NLRC5: variants seen among roughly 807,000 people sequenced by gnomAD.
The protein encoded by NLRC5 is protein NLRC5.
NLRC5 carries 114 observed loss-of-function variants against 206.9 expected under a neutral mutation model. The observed-to-expected ratio is 0.55, with a 90% CI of 0.47 to 0.64. The LOEUF (loss-of-function observed/expected upper bound fraction) is 0.64, where lower values mean the gene tolerates loss of function less well. Among genes scored for constraint, NLRC5 ranks in the 30% least tolerant of loss-of-function variants. The pLI, the probability that NLRC5 is intolerant of heterozygous loss-of-function variation, is 0.00. For missense variants in NLRC5, 2,008 were observed against 2,305.5 expected, an observed-to-expected ratio of 0.87 and a Z score of 2.64; for synonymous variants, 952 against 962.8, an observed-to-expected ratio of 0.99 and a Z score of 0.21.
At chr16:57,073,012 T>C (rs568197064) in intron 38 of NLRC5, among the ~76,000 whole-genome samples, 1 of 152,338 alleles carries the variant, frequency 6.6e-6, no homozygotes, top group Non-Finnish European at 1.5e-5. Flanking sequence ...CTTTGCCCAC[T>C]GTCCATGTAC....
chr16:57,079,270 C>G lies in NLRC5; in HGVS notation c.5215C>G (p.Leu1739Val). ...AGGVLRFCME[L>V]PLLRQIDLVS... Reference sequence around the variant, plus strand: ...AGGGGTCCTGCGTTTCTGTATGGAGCTCCCGCTGCTCAGACAGATAGAGTA... The same window carrying G: ...AGGGGTCCTGCGTTTCTGTATGGAGGTCCCGCTGCTCAGACAGATAGAGTA... The change falls in exon 45 of 49, where the codon CTC (leucine) becomes GTC (valine). Residue 1739 changes from leucine to valine, a missense_variant. Leu to Val is a conservative substitution (Grantham distance 32, BLOSUM62 1). Transcript: ENST00000688547. The G allele has an allele frequency of 6.2e-7, 1 of 1,613,506 alleles. No individual in the cohort carries two copies. Among genetic ancestry groups the G allele is most frequent in the Non-Finnish European group, 8.5e-7 (1 of 1,180,010 alleles).
At chr16:57,008,330 ATG>A (rs1467544394) in intron 1 of NLRC5, among the ~76,000 whole-genome samples, 11 of 152,262 alleles carry the variant, frequency 7.2e-5, no homozygotes, top group Non-Finnish European at 8.8e-5. Context: ...GAAAAATGTA[ATG>A]TAAGTGTACA....
At chr16:57,027,675 T>C (rs1029191621) in intron 6 of NLRC5, among the ~76,000 whole-genome samples, 5 of 152,226 alleles carry the variant, frequency 3.3e-5, no homozygotes, top group Admixed American at 3.3e-4. Context: ...GAATCCTATC[T>C]GCACAGTCAA....
Position 57,020,759 on chromosome 16 carries a change from G to A in NLRC5, c.47G>A (p.Cys16Tyr). 1 of 1,612,524 alleles carries A rather than the reference G, an allele frequency of 6.2e-7. No homozygotes were observed. The highest frequency in any genetic ancestry group is 8.5e-7 in the Non-Finnish European group (1 of 1,179,738). Residue 16 changes from cysteine to tyrosine, a missense_variant, in exon 3 of 49, where the codon TGT (cysteine) becomes TAT (tyrosine). Physicochemically the swap from Cys to Tyr is radical, Grantham distance 194. Transcript: ENST00000688547. ...LQLGNKNLWS[C>Y]LVRLLTKDPE... Reference sequence around the variant, plus strand: ...CTCGGCAACAAGAACCTGTGGAGCTGTCTTGTGAGGCTGCTCACCAAAGAC... The same window carrying A: ...CTCGGCAACAAGAACCTGTGGAGCTATCTTGTGAGGCTGCTCACCAAAGAC...
At chr16:56,989,953 A>G (rs1383029993) in intron 1 of NLRC5, among the ~76,000 whole-genome samples, 1 of 151,932 alleles carries the variant, frequency 6.6e-6, no homozygotes, top group Non-Finnish European at 1.5e-5. Flanking sequence ...GGATCCACCC[A>G]CTCTCTCTGT....
At chr16:57,018,040 A>AGG (rs1468901435) in intron 2 of NLRC5, among the ~76,000 whole-genome samples, 45 of 152,360 alleles carry the variant, frequency 3.0e-4, no homozygotes, top group Admixed American at 9.8e-4. Flanking sequence ...TAGAACACTA[A>AGG]TGATGGAAAC....
At chr16:56,998,046 C>T (rs2057827660) in intron 1 of NLRC5, among the ~76,000 whole-genome samples, 2 of 152,140 alleles carry the variant, frequency 1.3e-5, no homozygotes, top group African/African-American at 4.8e-5. Flanking sequence ...AACCAAGGCT[C>T]TAGCCGTCTA....
rs1417772720 is a variant in NLRC5 at position 57,017,125 on chromosome 16, C to T, written c.-76C>T. The T allele has an allele frequency of 6.5e-6, 1 of 152,762 alleles. No individual in the cohort carries two copies. Among genetic ancestry groups the T allele is most frequent in the Non-Finnish European group, 1.5e-5 (1 of 68,096 alleles). 9.5% of individuals were successfully genotyped at this position (152,762 alleles called of 1,614,324 possible). On this transcript the variant is annotated 5_prime_UTR_variant, in exon 2 of 49. Coordinates refer to ENST00000688547, the MANE Select transcript of NLRC5 (RefSeq NM_001384950.1). ...CAATCCAGCTCAAGGCACACATAGC[C>T]CAGACACCCATGAGACCCTCTCCGT...
intron 33 of NLRC5, among the ~76,000 whole-genome samples, chr16:57,065,938 C>T (rs1257097346): frequency 6.6e-6 from 1 of 152,142 alleles, no homozygotes. Context: ...AGCCCTCTCC[C>T]CATAAGCACC....
At chr16:57,046,409 C>A (rs2063980308) in intron 21 of NLRC5, 143 bp from the exon 22 acceptor site, 1 of 637,986 alleles carries the variant, frequency 1.6e-6, no homozygotes, top group Admixed American at 2.8e-5. Context: ...TGCCTTCCAG[C>A]CCTGACTTTC....
At chr16:57,005,102 A>T (rs1238171536) in intron 1 of NLRC5, among the ~76,000 whole-genome samples, 5 of 152,300 alleles carry the variant, frequency 3.3e-5, no homozygotes, top group Admixed American at 3.3e-4. Flanking sequence ...TAACACTTCG[A>T]ACGGAAAGCC....
intron 13 of NLRC5, among the ~76,000 whole-genome samples, 175 bp from the exon 14 acceptor site, chr16:57,035,925 A>C (rs1331629010): frequency 6.6e-6 from 1 of 152,212 alleles, no homozygotes; most frequent in Non-Finnish European, 1.5e-5. Context: ...CAATAGTCAT[A>C]GAAGAACCTA....
chr16:57,058,247 C>T, intron 28 of NLRC5, 99 bp downstream of exon 28: 1 of 1,004,474 alleles, frequency 1.0e-6, no homozygotes, highest in Non-Finnish European at 1.5e-6. Context: ...CCCCAGAGCA[C>T]CAGAGGACAA....
At chr16:57,077,885 G>C in intron 42 of NLRC5, 58 bp from the exon 43 acceptor site, 1 of 1,606,752 alleles carries the variant, frequency 6.2e-7, no homozygotes, top group Non-Finnish European at 8.5e-7. Flanking sequence ...CACAGGGCAG[G>C]GCGGGGGTCC....
chr16:57,054,470 C>A (rs1379330163), intron 24 of NLRC5, among the ~76,000 whole-genome samples: 1 of 152,174 alleles, frequency 6.6e-6, no homozygotes, highest in Non-Finnish European at 1.5e-5. Context: ...TCCTCATATA[C>A]CTCGAGAGTC....
At chr16:56,995,110 G>T (rs1375667307) in intron 1 of NLRC5, among the ~76,000 whole-genome samples, 2 of 152,200 alleles carry the variant, frequency 1.3e-5, no homozygotes, top group African/African-American at 4.8e-5. Context: ...AGAGGTGGAG[G>T]TTGTAGTGAG....
chr16:57,012,653 T>C (rs941676414), intron 1 of NLRC5, among the ~76,000 whole-genome samples: 3 of 152,172 alleles, frequency 2.0e-5, no homozygotes, highest in Non-Finnish European at 2.9e-5. Flanking sequence ...ATGATAAATG[T>C]AATGAGCTTG....
At chr16:56,993,180 CAT>C (rs144253354) in intron 1 of NLRC5, among the ~76,000 whole-genome samples, 2,824 of 151,738 alleles carry the variant, frequency 0.019, 80 homozygotes, top group East Asian at 0.091. Context: ...CACACACACA[CAT>C]GTGTACTTTT....
intron 4 of NLRC5, among the ~76,000 whole-genome samples, chr16:57,023,238 C>T (rs905596200): frequency 3.9e-5 from 6 of 152,180 alleles, no homozygotes; most frequent in African/African-American, 9.6e-5. Context: ...TGTTTTCCTT[C>T]TTCCTTTCTC....
Sources: allele counts gnomAD v4.1 joint callset (sites outside exome capture counted in the v4.1 genomes callset), GRCh38; gene constraint gnomAD v4.1.1; transcripts MANE v1.5; gene names NCBI Gene and HGNC (gene_info 2026-07-23, HGNC 2026-07-21).